RBMS1: variants seen among roughly 807,000 people sequenced by gnomAD.
RBMS1 encodes RNA-binding motif, single-stranded-interacting protein 1.
Under a neutral mutation model 62.3 loss-of-function variants are expected in RBMS1, and 17 were observed. That is an observed-to-expected ratio of 0.27 (90% confidence interval 0.19 to 0.41). RBMS1 has a LOEUF of 0.41. RBMS1 is among the 10% of genes least tolerant of loss of function. RBMS1 has a pLI of 1.00. For missense variants in RBMS1, 334 were observed against 504.5 expected (o/e 0.66, Z 3.24); for synonymous variants, 172 against 170.0 (o/e 1.01, Z -0.09).
chr2:160,289,619 T>G (rs886702745), intron 6 of RBMS1, among the ~76,000 whole-genome samples: 7 of 152,186 alleles, frequency 4.6e-5, no homozygotes, highest in Non-Finnish European at 8.8e-5. Context: ...CTTGCCTCCC[T>G]GGGGCTTGCA....
chr2:160,430,508 T>C (rs1682843446), intron 1 of RBMS1, among the ~76,000 whole-genome samples: 1 of 152,232 alleles, frequency 6.6e-6, no homozygotes, highest in African/African-American at 2.4e-5. Context: ...AAGTAAATGC[T>C]ATATATCCCT....
At chr2:160,407,650 C>G in intron 1 of RBMS1, 1 of 981,884 alleles carries the variant, frequency 1.0e-6, no homozygotes, top group South Asian at 4.5e-5. Context: ...GCTCTGGGAA[C>G]TCCCTCTCGC....
At chr2:160,450,212 C>T (rs1281358486) in intron 1 of RBMS1, among the ~76,000 whole-genome samples, 2 of 152,180 alleles carry the variant, frequency 1.3e-5, no homozygotes, top group African/African-American at 4.8e-5. Context: ...GGAATCACTT[C>T]ATGCAATCTT....
At chr2:160,421,138 T>C (rs976169493) in intron 1 of RBMS1, among the ~76,000 whole-genome samples, 1 of 151,690 alleles carries the variant, frequency 6.6e-6, no homozygotes, top group Non-Finnish European at 1.5e-5. Flanking sequence ...TAACTTATTC[T>C]TTTTTCTTTT....
intron 1 of RBMS1, among the ~76,000 whole-genome samples, chr2:160,385,165 C>A (rs1694501023): frequency 6.6e-6 from 1 of 152,104 alleles, no homozygotes; most frequent in African/African-American, 2.4e-5. Flanking sequence ...AACTACCCAG[C>A]CTTGGATATT....
chr2:160,446,747 C>T (rs1683667086), intron 1 of RBMS1, among the ~76,000 whole-genome samples: 1 of 152,216 alleles, frequency 6.6e-6, no homozygotes, highest in African/African-American at 2.4e-5. Flanking sequence ...TTTGTCCACC[C>T]CATTTTACTC....
chr2:160,310,673 A>G (rs1689802235), intron 4 of RBMS1, among the ~76,000 whole-genome samples: 1 of 151,602 alleles, frequency 6.6e-6, no homozygotes, highest in East Asian at 2.0e-4. Flanking sequence ...AATAGAACGG[A>G]CAGTGGGGGA....
At chr2:160,349,307 C>T (rs1269866565) in intron 2 of RBMS1, among the ~76,000 whole-genome samples, 1 of 152,090 alleles carries the variant, frequency 6.6e-6, no homozygotes, top group Non-Finnish European at 1.5e-5. Flanking sequence ...TGATTATTTA[C>T]CACTGCTTAA....
chr2:160,350,003 G>A (rs1177469839), intron 2 of RBMS1, among the ~76,000 whole-genome samples: 1 of 151,934 alleles, frequency 6.6e-6, no homozygotes, highest in East Asian at 1.9e-4. Flanking sequence ...AGGCAGAGGA[G>A]GAAAACCTGG....
At chr2:160,359,230 G>A (rs959487651) in intron 2 of RBMS1, among the ~76,000 whole-genome samples, 5 of 152,206 alleles carry the variant, frequency 3.3e-5, no homozygotes, top group Non-Finnish European at 4.4e-5. Context: ...GAAGAGCTTC[G>A]GGTTTCTAAG....
chr2:160,284,548 T>G, intron 9 of RBMS1: 1 of 509,390 alleles, frequency 2.0e-6, no homozygotes, highest in East Asian at 3.5e-5. Context: ...CAAAATGCTA[T>G]GATTCCAAGG....
At chr2:160,404,555 T>G (rs1002954383) in intron 1 of RBMS1, among the ~76,000 whole-genome samples, 8 of 152,210 alleles carry the variant, frequency 5.3e-5, no homozygotes, top group Non-Finnish European at 1.0e-4. Context: ...ATCTAGAGAT[T>G]AAAGAATACG....
chr2:160,276,842 A>G (rs1412666345), intron 12 of RBMS1, among the ~76,000 whole-genome samples: 1 of 152,180 alleles, frequency 6.6e-6, no homozygotes, highest in Admixed American at 6.5e-5. Context: ...GAGAGACAAG[A>G]CAGAACGTCC....
intron 13 of RBMS1, 80 bp downstream of exon 13, chr2:160,275,550 T>C (rs1306630568): frequency 6.5e-7 from 1 of 1,541,710 alleles, no homozygotes; most frequent in Non-Finnish European, 8.8e-7. Flanking sequence ...GTTATCCCAA[T>C]CACCATTCTG....
chr2:160,274,080 G>GACC lies in RBMS1; in HGVS notation c.*689_*691dup, dbSNP rs1295035720. ...TGCTGCTGTTTTACAAGGCATAATAGACCAGCTCATTTGGTCAAAGCATTC... is the reference window on the plus strand; with the variant it reads ...TGCTGCTGTTTTACAAGGCATAATAGACCACCAGCTCATTTGGTCAAAGCATTC... On this transcript the variant is annotated 3_prime_UTR_variant, in exon 14 of 14. Transcript: ENST00000348849. The GACC allele has an allele frequency of 6.6e-6, 1 of 152,570 alleles. No individual in the cohort carries two copies. The highest frequency in any genetic ancestry group is 2.4e-5 in the African/African-American group (1 of 41,428). 9.5% of individuals were successfully genotyped at this position (152,570 alleles called of 1,614,324 possible).
At chr2:160,328,812 T>C (rs1331591200) in intron 2 of RBMS1, among the ~76,000 whole-genome samples, 1 of 152,120 alleles carries the variant, frequency 6.6e-6, no homozygotes, top group African/African-American at 2.4e-5. Context: ...ACTGGAAATC[T>C]TACACACACA....
At chr2:160,278,358 T>A in intron 11 of RBMS1, 190 bp downstream of exon 11, 1 of 617,168 alleles carries the variant, frequency 1.6e-6, no homozygotes, top group Admixed American at 2.5e-5. Flanking sequence ...ACCCAGAGAA[T>A]AGACTTTCAG....
At chr2:160,331,987 G>A (rs1691301345) in intron 2 of RBMS1, among the ~76,000 whole-genome samples, 1 of 152,154 alleles carries the variant, frequency 6.6e-6, no homozygotes, top group Admixed American at 6.5e-5. Context: ...GTTCGATTAT[G>A]TACTTCTAAT....
At chr2:160,424,018 A>G (rs1476379761) in intron 1 of RBMS1, among the ~76,000 whole-genome samples, 1 of 142,870 alleles carries the variant, frequency 7.0e-6, no homozygotes, top group African/African-American at 2.5e-5. Context: ...AAAAAGTGCC[A>G]TTTCTTTTTT....
Sources: gnomAD v4.1 joint callset for allele counts (sites outside exome capture counted in the v4.1 genomes callset) on GRCh38, gnomAD v4.1.1 for gene constraint, MANE v1.5 for transcripts, NCBI Gene and HGNC (gene_info 2026-07-23, HGNC 2026-07-21) for gene names.